Variants in PPARGC1A observed in about 807,000 individuals in gnomAD.
PPARGC1A encodes peroxisome proliferator-activated receptor gamma coactivator 1-alpha.
A neutral mutation model predicts 88.7 loss-of-function variants in PPARGC1A; 25 were observed. The observed-to-expected ratio is 0.28, with a 90% CI of 0.21 to 0.39. The LOEUF is 0.39. Among genes scored for constraint, PPARGC1A ranks in the 10% least tolerant of loss-of-function variants. PPARGC1A has a pLI of 1.00. For missense variants in PPARGC1A, 880 were observed against 968.7 expected (o/e 0.91, Z 1.22); for synonymous variants, 363 against 355.6 (o/e 1.02, Z -0.24).
Position 23,814,604 on chromosome 4 carries a change from G to T in PPARGC1A, c.879C>A (p.Gly293=), listed in dbSNP as rs1440331346. 1 of 1,481,334 alleles carries T rather than the reference G, an allele frequency of 6.8e-7. No homozygotes were observed. The highest frequency in any genetic ancestry group is 1.4e-5 in the South Asian group (1 of 70,596). The allele number at this position is 1,481,334 out of a possible 1,614,324, so 91.8% of individuals were successfully genotyped here. Reference sequence around the variant, plus strand: ...GAGGAGGAGTGGTGGGTGGAGTTAGGCCTAAGGCAAAAATTAAAAAAAAAA... The same window carrying T: ...GAGGAGGAGTGGTGGGTGGAGTTAGTCCTAAGGCAAAAATTAAAAAAAAAA... ...TLSVELSGTA[G]LTPPTTPPHK... The change falls in exon 8 of 13, where the codon GGC becomes GGA. Residue 293 remains glycine, a splice_region_variant and synonymous_variant. Coordinates refer to ENST00000264867, the MANE Select transcript of PPARGC1A (RefSeq NM_013261.5).
the PPARGC1A span, among the ~76,000 whole-genome samples, chr4:24,335,597 G>C: frequency 7.2e-5 from 11 of 152,132 alleles, no homozygotes; most frequent in Non-Finnish European, 1.5e-4. Flanking sequence ...CCCCCGAAAA[G>C]TTTCAGTATA....
intron 8 of PPARGC1A, among the ~76,000 whole-genome samples, 159 bp from the exon 9 acceptor site, chr4:23,813,284 G>A (rs571426455): frequency 6.6e-6 from 1 of 152,306 alleles, no homozygotes; most frequent in South Asian, 2.1e-4. Context: ...TGATCATCTA[G>A]TCAACTTAGA....
At chr4:24,195,130 T>C in the PPARGC1A span, among the ~76,000 whole-genome samples, 1 of 152,194 alleles carries the variant, frequency 6.6e-6, no homozygotes, top group South Asian at 2.1e-4. Context: ...ACCTATGTTA[T>C]ATGGAAACAG....
chr4:24,023,744 A>G, the PPARGC1A span, among the ~76,000 whole-genome samples: 1 of 152,178 alleles, frequency 6.6e-6, no homozygotes, highest in African/African-American at 2.4e-5. Flanking sequence ...CTCTGGCTGC[A>G]TCAAAGCTGG....
chr4:24,444,371 G>C, the PPARGC1A span, among the ~76,000 whole-genome samples: 17 of 151,992 alleles, frequency 1.1e-4, no homozygotes, highest in Non-Finnish European at 1.8e-4. Flanking sequence ...GCCACAGTCA[G>C]ACCTGTGTTT....
chr4:24,261,194 T>C, the PPARGC1A span, among the ~76,000 whole-genome samples: 1 of 152,332 alleles, frequency 6.6e-6, no homozygotes, highest in African/African-American at 2.4e-5. Flanking sequence ...TTCCATTTTC[T>C]AGCCTTCATG....
At chr4:24,024,647 G>A in the PPARGC1A span, among the ~76,000 whole-genome samples, 1 of 152,270 alleles carries the variant, frequency 6.6e-6, no homozygotes, top group South Asian at 2.1e-4. Flanking sequence ...ACGGTTCTCT[G>A]GAAATGAAAA....
chr4:24,278,476 GTCCACC>G, the PPARGC1A span, among the ~76,000 whole-genome samples: 1 of 152,176 alleles, frequency 6.6e-6, no homozygotes, highest in African/African-American at 2.4e-5. Context: ...CTGGGAATTT[GTCCACC>G]TCTAATTATA....
the PPARGC1A span, among the ~76,000 whole-genome samples, chr4:24,405,504 T>C: frequency 3.3e-5 from 5 of 152,316 alleles, no homozygotes; most frequent in East Asian, 1.9e-4. Flanking sequence ...TGGCTCTGTA[T>C]ATGGGAAAAT....
chr4:24,388,664 T>C, the PPARGC1A span, among the ~76,000 whole-genome samples: 4 of 152,168 alleles, frequency 2.6e-5, no homozygotes, highest in Non-Finnish European at 4.4e-5. Flanking sequence ...TTCATGTCCT[T>C]TGCAAGGACA....
At chr4:24,294,920 G>A in the PPARGC1A span, among the ~76,000 whole-genome samples, 1 of 152,172 alleles carries the variant, frequency 6.6e-6, no homozygotes, top group Non-Finnish European at 1.5e-5. Flanking sequence ...AGCACAGCTA[G>A]GCCCCTTACT....
At chr4:23,948,617 A>T in the PPARGC1A span, among the ~76,000 whole-genome samples, 1 of 152,308 alleles carries the variant, frequency 6.6e-6, no homozygotes, top group Non-Finnish European at 1.5e-5. Flanking sequence ...TTGAATTTGC[A>T]GAGCGAGCTC....
At chr4:24,405,858 T>C in the PPARGC1A span, among the ~76,000 whole-genome samples, 2 of 152,166 alleles carry the variant, frequency 1.3e-5, no homozygotes, top group African/African-American at 4.8e-5. Context: ...CCCCTTTCTT[T>C]TTTCTTCCTT....
At chr4:24,043,857 A>T in the PPARGC1A span, among the ~76,000 whole-genome samples, 1 of 151,786 alleles carries the variant, frequency 6.6e-6, no homozygotes, top group African/African-American at 2.4e-5. Context: ...AATTTTGTTT[A>T]TTTTTTTTGT....
chr4:23,951,134 C>A, the PPARGC1A span, among the ~76,000 whole-genome samples: 1 of 152,066 alleles, frequency 6.6e-6, no homozygotes, highest in Admixed American at 6.6e-5. Context: ...TTGAAAGACC[C>A]CCCAGTCCAG....
chr4:24,319,359 TAAAG>T, the PPARGC1A span, among the ~76,000 whole-genome samples: 1 of 152,064 alleles, frequency 6.6e-6, no homozygotes, highest in African/African-American at 2.4e-5. Context: ...AAAATAAAAA[TAAAG>T]AAACTCATTC....
the PPARGC1A span, among the ~76,000 whole-genome samples, chr4:24,209,786 C>A: frequency 6.6e-6 from 1 of 152,120 alleles, no homozygotes; most frequent in Non-Finnish European, 1.5e-5. Context: ...AGTAATAGTA[C>A]AATAGTACAT....
At chr4:23,928,772 A>C in the PPARGC1A span, among the ~76,000 whole-genome samples, 6 of 806 alleles carry the variant, frequency 7.4e-3, no homozygotes, top group Non-Finnish European at 0.014. Flanking sequence ...AAAAAAAACA[A>C]AAAAAAACAA....
the PPARGC1A span, among the ~76,000 whole-genome samples, chr4:24,213,121 T>C: frequency 0.79 from 118,294 of 149,952 alleles, 49,081 homozygotes; most frequent in South Asian, 0.93. Context: ...CCCTACTCCA[T>C]CGCCCCCGAG....
Sources: gnomAD v4.1 joint callset for allele counts (sites outside exome capture counted in the v4.1 genomes callset) on GRCh38, gnomAD v4.1.1 for gene constraint, MANE v1.5 for transcripts, NCBI Gene and HGNC (gene_info 2026-07-23, HGNC 2026-07-21) for gene names.